Variants in ENTPD1 observed in about 807,000 individuals in gnomAD.
The protein encoded by ENTPD1 is ATP diphosphohydrolase.
In ENTPD1, 33 loss-of-function variants were observed where a neutral mutation model predicts 57.0. That is an observed-to-expected ratio of 0.58 (90% CI 0.44 to 0.77). The LOEUF is 0.77. Ranked by LOEUF, ENTPD1 falls within the 30% of genes least tolerant of loss-of-function variation. The probability of loss-of-function intolerance (pLI) is 0.00; values close to 1 mark genes in which losing one functional copy is unlikely to be tolerated. For missense variants in ENTPD1, 501 were observed against 603.4 expected (o/e 0.83, Z 1.78); for synonymous variants, 202 against 218.8 (o/e 0.92, Z 0.68).
chr10:95,785,982 C>T (rs538386858), intron 1 of ENTPD1, among the ~76,000 whole-genome samples: 111 of 152,286 alleles, frequency 7.3e-4, no homozygotes, highest in African/African-American at 2.6e-3. Context: ...TCCAGTGGTG[C>T]TGCTCTTGTT....
At chr10:95,770,273 G>GTT (rs2098111393) in intron 1 of ENTPD1, among the ~76,000 whole-genome samples, 1 of 151,648 alleles carries the variant, frequency 6.6e-6, no homozygotes, top group Non-Finnish European at 1.5e-5. Context: ...GTGTGTGTGT[G>GTT]TGTGTGTGTG....
upstream of ENTPD1, among the ~76,000 whole-genome samples, chr10:95,710,837 T>C (rs2097964985): frequency 6.6e-6 from 1 of 152,232 alleles, no homozygotes; most frequent in African/African-American, 2.4e-5. Flanking sequence ...TTGCTGACTA[T>C]ACATTTGTTC....
At position 95,868,795 on chromosome 10, in the gene ENTPD1, A is replaced by G. The variant is rs2098477153; in HGVS notation, c.*2412A>G. 1.0e-6 allele frequency: 1 copy of G among 985,354 alleles called. No homozygotes were observed. The highest frequency in any genetic ancestry group is 1.2e-6 in the Non-Finnish European group (1 of 829,928). 61.0% of individuals were successfully genotyped at this position (985,354 alleles called of 1,614,324 possible). On this transcript the variant is annotated 3_prime_UTR_variant, in exon 10 of 10. Coordinates refer to ENST00000371205, the MANE Select transcript of ENTPD1 (RefSeq NM_001776.6). ...ACTTCACAAGTCTCCTTCAGAGAAC[A>G]CAAATCTTTTCTTATTCCATTCCTG...
At chr10:95,714,618 T>C (rs977223285) in intron 1 of ENTPD1, among the ~76,000 whole-genome samples, 1 of 152,216 alleles carries the variant, frequency 6.6e-6, no homozygotes, top group Non-Finnish European at 1.5e-5. Flanking sequence ...CTTTATGATA[T>C]TATGTATTAT....
At chr10:95,738,513 C>T (rs1169076243) in intron 1 of ENTPD1, among the ~76,000 whole-genome samples, 1 of 152,122 alleles carries the variant, frequency 6.6e-6, no homozygotes, top group Non-Finnish European at 1.5e-5. Flanking sequence ...ATATAGTGGG[C>T]AGTCAGCAGG....
chr10:95,764,795 T>A (rs990002064), intron 1 of ENTPD1, among the ~76,000 whole-genome samples: 7 of 147,528 alleles, frequency 4.7e-5, no homozygotes, highest in African/African-American at 1.8e-4. Flanking sequence ...TGATTTTGGC[T>A]CACTGCAACC....
chr10:95,869,425 T>A lies in ENTPD1; in HGVS notation c.*3042T>A, dbSNP rs898561220. ...CCACCACACCCGGCTAATTTTTGTATTTTTAGTAAAGACAGGGTTTCACCA... is the reference window on the plus strand; with the variant it reads ...CCACCACACCCGGCTAATTTTTGTAATTTTAGTAAAGACAGGGTTTCACCA... On this transcript the variant is annotated 3_prime_UTR_variant, in exon 10 of 10. Transcript: ENST00000371205. 2 of 696,158 alleles carry A rather than the reference T, an allele frequency of 2.9e-6. No homozygotes were observed. The highest frequency in any genetic ancestry group is 3.5e-6 in the Non-Finnish European group (2 of 566,448). The allele number at this position is 696,158 out of a possible 1,614,324, so 43.1% of individuals were successfully genotyped here. A position where few individuals can be genotyped will look rare whatever the true frequency, so the allele number is the denominator to read the frequency against.
At chr10:95,724,384 C>G (rs2139835440) in intron 1 of ENTPD1, among the ~76,000 whole-genome samples, 1 of 152,184 alleles carries the variant, frequency 6.6e-6, no homozygotes, top group Middle Eastern at 3.4e-3. Context: ...CGGGGTGGTC[C>G]TTGTTCTTAG....
chr10:95,827,766 G>A (rs2140630613), intron 2 of ENTPD1, among the ~76,000 whole-genome samples: 1 of 152,256 alleles, frequency 6.6e-6, no homozygotes, highest in East Asian at 1.9e-4. Flanking sequence ...ACAGGCATGA[G>A]CCACCACCAT....
At chr10:95,817,589 C>G (rs1315775237) in intron 1 of ENTPD1, among the ~76,000 whole-genome samples, 1 of 152,200 alleles carries the variant, frequency 6.6e-6, no homozygotes, top group African/African-American at 2.4e-5. Flanking sequence ...GATCCTCTGA[C>G]CAGTTCCTAC....
chr10:95,864,811 G>A lies in ENTPD1; in HGVS notation c.1276G>A (p.Gly426Ser). Residue 426 changes from glycine to serine, a missense_variant, in exon 9 of 10, where the codon GGC becomes AGC. Physicochemically the swap from Gly to Ser is moderately conservative, Grantham distance 56. Transcript: ENST00000371205. ...CTACATTCTCTCCCTCCTTCTGCAA[G>A]GCTATCATTTCACAGCTGATTCCTG... Reference protein sequence around the residue: ...GTYILSLLLQGYHFTADSWEH... With the variant: ...GTYILSLLLQSYHFTADSWEH... 6.2e-7 allele frequency: 1 copy of A among 1,614,022 alleles called. No homozygotes were observed. Among genetic ancestry groups the A allele is most frequent in the Non-Finnish European group, 8.5e-7 (1 of 1,180,024 alleles).
At chr10:95,748,156 A>G (rs936367343) in intron 1 of ENTPD1, among the ~76,000 whole-genome samples, 1 of 152,184 alleles carries the variant, frequency 6.6e-6, no homozygotes, top group African/African-American at 2.4e-5. Flanking sequence ...TACAGGCGTG[A>G]GCCACCGCAC....
chr10:95,761,100 GATT>G (rs1430062482), intron 1 of ENTPD1, among the ~76,000 whole-genome samples: 10 of 152,108 alleles, frequency 6.6e-5, no homozygotes, highest in Non-Finnish European at 1.5e-5. Context: ...AGAGTGCTGG[GATT>G]ACAGGCGTGA....
At chr10:95,803,167 T>C (rs929071169) in intron 1 of ENTPD1, among the ~76,000 whole-genome samples, 3 of 152,240 alleles carry the variant, frequency 2.0e-5, no homozygotes, top group Admixed American at 2.0e-4. Flanking sequence ...ATTTTAACGA[T>C]ATGGAATCTT....
At position 95,842,365 on chromosome 10, in the gene ENTPD1, T is replaced by C. The variant is rs2098424427; in HGVS notation, c.284T>C (p.Val95Ala). The change falls in exon 4 of 10, where the codon GTT (valine) becomes GCT (alanine). Residue 95 changes from valine to alanine, a missense_variant. Transcript: ENST00000371205. ...RVKGPGISKF[V>A]QKVNEIGIYL... ...CTAGGTCCTGGAATCTCAAAATTTG[T>C]TCAGAAAGTAAATGAAATAGGCATT... 1 of 1,614,144 alleles carries C rather than the reference T, an allele frequency of 6.2e-7. No individual in the cohort carries two copies. Among genetic ancestry groups the C allele is most frequent in the South Asian group, 1.1e-5 (1 of 91,086 alleles).
intron 1 of ENTPD1, among the ~76,000 whole-genome samples, chr10:95,743,615 C>G (rs1404723153): frequency 2.6e-5 from 4 of 152,068 alleles, no homozygotes; most frequent in Admixed American, 2.6e-4. Context: ...CACTAATAGT[C>G]TATTTCAGTA....
intron 1 of ENTPD1, among the ~76,000 whole-genome samples, chr10:95,739,052 A>G (rs2139870316): frequency 2.0e-5 from 3 of 152,350 alleles, no homozygotes; most frequent in Non-Finnish European, 4.4e-5. Context: ...AGTGTGCAAT[A>G]GCATTATTTG....
chr10:95,833,172 G>A (rs148539761), intron 2 of ENTPD1, among the ~76,000 whole-genome samples: 2,249 of 152,270 alleles, frequency 0.015, 28 homozygotes, highest in Middle Eastern at 0.044. Flanking sequence ...ATTTTAATGT[G>A]TGTTTTAGAA....
intron 1 of ENTPD1, among the ~76,000 whole-genome samples, chr10:95,773,757 A>G (rs2140119347): frequency 6.6e-6 from 1 of 152,258 alleles, no homozygotes; most frequent in East Asian, 1.9e-4. Context: ...GGTTGGTTCC[A>G]AGTCTTTGCT....
Sources: allele counts gnomAD v4.1 joint callset (sites outside exome capture counted in the v4.1 genomes callset), GRCh38; gene constraint gnomAD v4.1.1; transcripts MANE v1.5; gene names NCBI Gene and HGNC (gene_info 2026-07-23, HGNC 2026-07-21).